GLI2: variants seen among roughly 807,000 people sequenced by gnomAD.
GLI2 encodes the protein transcription activator GLI2.
GLI2 carries 22 observed loss-of-function variants against 78.9 expected under a neutral mutation model. That is an observed-to-expected ratio of 0.28 (90% CI 0.20 to 0.40). GLI2 has a LOEUF of 0.40. GLI2 is among the 10% of genes least tolerant of loss of function. GLI2 has a pLI of 1.00. For synonymous variants in GLI2, 974 were observed against 963.7 expected (o/e 1.01, Z -0.20); for missense variants, 2,097 against 2,213.2 (o/e 0.95, Z 1.05).
chr2:120,738,197 C>T (rs1234588127), intron 1 of GLI2, among the ~76,000 whole-genome samples: 2 of 152,206 alleles, frequency 1.3e-5, no homozygotes, highest in African/African-American at 4.8e-5. Context: ...CTGGTCTGTC[C>T]TGGGGCAGTC....
chr2:120,851,356 GCT>G (rs1165830630), intron 2 of GLI2, among the ~76,000 whole-genome samples: 1 of 152,200 alleles, frequency 6.6e-6, no homozygotes, highest in African/African-American at 2.4e-5. Flanking sequence ...GTTCTATGTT[GCT>G]CTGTTTGGAT....
chr2:120,821,202 G>A (rs954208723), intron 2 of GLI2, among the ~76,000 whole-genome samples: 3 of 152,096 alleles, frequency 2.0e-5, no homozygotes, highest in Non-Finnish European at 4.4e-5. Context: ...AGGTTCTCTC[G>A]AGTTGCAAAG....
intron 2 of GLI2, among the ~76,000 whole-genome samples, chr2:120,811,039 T>C (rs1685214655): frequency 6.6e-6 from 1 of 152,200 alleles, no homozygotes; most frequent in South Asian, 2.1e-4. Flanking sequence ...TTGTGAACCA[T>C]CCACTGTGAC....
At chr2:120,898,490 G>A (rs991035990) in intron 2 of GLI2, among the ~76,000 whole-genome samples, 22 of 152,104 alleles carry the variant, frequency 1.4e-4, no homozygotes, top group African/African-American at 4.3e-4. Context: ...TTTCCAGCTC[G>A]GAGTGCAGAG....
intron 2 of GLI2, among the ~76,000 whole-genome samples, chr2:120,846,346 GT>G (rs1255016327): frequency 6.6e-6 from 1 of 152,208 alleles, no homozygotes; most frequent in Non-Finnish European, 1.5e-5. Flanking sequence ...CTCAGAAGAG[GT>G]TTTGTGAAAG....
intron 5 of GLI2, among the ~76,000 whole-genome samples, chr2:120,958,333 GC>G (rs1274558695): frequency 5.3e-5 from 8 of 152,222 alleles, no homozygotes; most frequent in African/African-American, 1.7e-4. Context: ...ACTCACTCTT[GC>G]AGGATTCTGT....
chr2:120,851,370 T>G (rs536757688), intron 2 of GLI2, among the ~76,000 whole-genome samples: 83 of 152,340 alleles, frequency 5.4e-4, no homozygotes, highest in African/African-American at 2.0e-3. Flanking sequence ...TGTTTGGATT[T>G]ACTTTTTTGG....
chr2:120,853,909 A>G (rs1687523417), intron 2 of GLI2, among the ~76,000 whole-genome samples: 3 of 151,966 alleles, frequency 2.0e-5, no homozygotes, highest in Admixed American at 6.6e-5. Context: ...TGGGTCCCCT[A>G]TGAGATGGAG....
In GLI2 at chr2:120,961,610, G is replaced by A. The variant is rs1002583900; in HGVS notation, c.643+6180G>A. ...GCAACTCTGAGCCTCGCTGCTCCAC[G>A]GCCCAGGCGCTTGCTACTCCCCCAT... is the stretch of plus-strand genomic sequence containing the variant. On this transcript the variant is annotated intron_variant, in intron 5 of 13. Coordinates refer to ENST00000361492, the MANE Select transcript of GLI2 (RefSeq NM_001374353.1). Among the ~76,000 whole-genome samples the A allele has an allele frequency of 5.9e-5, 9 of 152,170 alleles. No homozygotes were observed. The South Asian group carries it at 8.3e-4, about 14-fold the overall frequency.
intron 2 of GLI2, among the ~76,000 whole-genome samples, chr2:120,902,638 C>T (rs927107458): frequency 1.3e-5 from 2 of 152,172 alleles, no homozygotes; most frequent in African/African-American, 4.8e-5. Context: ...TGAACCTGAA[C>T]TTTGACATTA....
At position 120,800,426 on chromosome 2, in the gene GLI2, TCCC is replaced by T. The variant is rs1186412482; in HGVS notation, c.148+2961_148+2963del. ...TGTTCCTCCAAATCCCGTGACATTG[TCCC>T]CCATGGTTCACACCCTGATTTGCTG... On this transcript the variant is annotated intron_variant, in intron 2 of 13. Transcript: ENST00000361492. This position sits in a 1 kb window ranked among gnomAD's most constrained non-coding sequence, Gnocchi z 4.1. 3.3e-5 allele frequency among the ~76,000 whole-genome samples: 5 copies of T among 152,054 alleles called. No individual in the cohort carries two copies. The highest frequency in any genetic ancestry group is 1.2e-4 in the African/African-American group (5 of 41,388).
chr2:120,745,792 G>A (rs1435017982), intron 1 of GLI2, among the ~76,000 whole-genome samples: 2 of 152,240 alleles, frequency 1.3e-5, no homozygotes, highest in Non-Finnish European at 2.9e-5. Flanking sequence ...CCCTGCAGCT[G>A]GTTCACCTGG....
chr2:120,928,513 A>G (rs1201010071), intron 3 of GLI2, among the ~76,000 whole-genome samples: 2 of 152,122 alleles, frequency 1.3e-5, no homozygotes, highest in Non-Finnish European at 2.9e-5. Flanking sequence ...CTGTGTCTCA[A>G]TGCTGACATG....
chr2:120,865,292 A>C (rs1039299843), intron 2 of GLI2, among the ~76,000 whole-genome samples: 7 of 152,194 alleles, frequency 4.6e-5, no homozygotes, highest in African/African-American at 1.7e-4. Flanking sequence ...TGCTGTCTGC[A>C]TAGATGCCCT....
chr2:120,887,083 C>T (rs1175031878), intron 2 of GLI2, among the ~76,000 whole-genome samples: 1 of 152,188 alleles, frequency 6.6e-6, no homozygotes, highest in Non-Finnish European at 1.5e-5. Flanking sequence ...TGCCTGGCTT[C>T]CCAAGCACAC....
chr2:120,784,587 A>C (rs1038521541), intron 1 of GLI2, among the ~76,000 whole-genome samples: 5 of 152,018 alleles, frequency 3.3e-5, no homozygotes, highest in African/African-American at 4.8e-5. Flanking sequence ...GGGAGTCCCG[A>C]GGGGTAAGCA....
At chr2:120,850,014 A>T (rs1229788289) in intron 2 of GLI2, among the ~76,000 whole-genome samples, 2 of 152,246 alleles carry the variant, frequency 1.3e-5, no homozygotes, top group African/African-American at 2.4e-5. Context: ...GAAAGCAAAG[A>T]CTGGAACATC....
chr2:120,746,826 C>T (rs181992268), intron 1 of GLI2, among the ~76,000 whole-genome samples: 270 of 152,018 alleles, frequency 1.8e-3, no homozygotes, highest in African/African-American at 6.3e-3. Context: ...ATTTTTTTTG[C>T]TCTATCCTTT....
chr2:120,951,785 G>T, intron 4 of GLI2: 1 of 238,680 alleles, frequency 4.2e-6, no homozygotes, highest in African/African-American at 2.2e-5. Flanking sequence ...ATGTTGTGTT[G>T]GAGTGTCTCA....
Sources: gnomAD v4.1 joint callset for allele counts (sites outside exome capture counted in the v4.1 genomes callset) on GRCh38, gnomAD v4.1.1 for gene constraint, Gnocchi (gnomAD v3.1) non-coding constraint, MANE v1.5 for transcripts, NCBI Gene and HGNC (gene_info 2026-07-23, HGNC 2026-07-21) for gene names.